Variants in RANBP2 observed in about 807,000 individuals in gnomAD.
RANBP2 encodes the protein E3 SUMO-protein ligase RanBP2.
RANBP2 carries 57 observed loss-of-function variants against 303.6 expected under a neutral mutation model. The observed-to-expected ratio is 0.19, with a 90% CI of 0.15 to 0.23. The LOEUF (loss-of-function observed/expected upper bound fraction) is 0.23, where lower values mean the gene tolerates loss of function less well. Ranked by LOEUF, RANBP2 falls within the 10% of genes least tolerant of loss-of-function variation. The pLI, the probability that RANBP2 is intolerant of heterozygous loss-of-function variation, is 1.00. For missense variants in RANBP2, 3,138 were observed against 3,780.8 expected, an observed-to-expected ratio of 0.83 and a Z score of 4.46; for synonymous variants, 1,167 against 1,301.5, an observed-to-expected ratio of 0.90 and a Z score of 2.23.
At chr2:109,384,542 G>T in the RANBP2 span, among the ~76,000 whole-genome samples, 1 of 151,978 alleles carries the variant, frequency 6.6e-6, no homozygotes, top group African/African-American at 2.4e-5. Context: ...GGCTTCAGGG[G>T]TTCCCGCAGG....
the RANBP2 span, among the ~76,000 whole-genome samples, chr2:109,400,907 G>A: frequency 6.6e-6 from 1 of 152,202 alleles, no homozygotes; most frequent in Admixed American, 6.5e-5. Context: ...TCTGTAAGGG[G>A]AAAAGCATAA....
chr2:109,449,089 G>A, the RANBP2 span: 11 of 1,484,080 alleles, frequency 7.4e-6, no homozygotes, highest in South Asian at 2.6e-5. Flanking sequence ...GGGAGCCTGA[G>A]TGTGCATTGC....
the RANBP2 span, among the ~76,000 whole-genome samples, chr2:109,408,119 T>G: frequency 6.6e-6 from 1 of 152,136 alleles, no homozygotes; most frequent in Non-Finnish European, 1.5e-5. Flanking sequence ...CACTCCCTTG[T>G]CCTAGCAGCT....
At chr2:109,658,930 T>G in the RANBP2 span, among the ~76,000 whole-genome samples, 2 of 151,896 alleles carry the variant, frequency 1.3e-5, no homozygotes, top group Non-Finnish European at 2.9e-5. Flanking sequence ...CTGGGTGTGG[T>G]GATGAGTACC....
In RANBP2 at chr2:108,753,929, G is replaced by C; in HGVS notation, c.2160G>C (p.Lys720Asn). Residue 720 changes from lysine (K) to asparagine (N), a missense_variant, in exon 15 of 29, where the codon AAG becomes AAC. Lys to Asn is a moderately conservative substitution (Grantham distance 94). This residue lies in a region of RANBP2 where 194 missense variants were observed against 197.4 expected (regional missense o/e 0.98). Coordinates refer to ENST00000283195, the MANE Select transcript of RANBP2 (RefSeq NM_006267.5). ...YLRKTRDYLIKIIDDSDSNLS... is the reference protein window; with the variant it reads ...YLRKTRDYLINIIDDSDSNLS... ...GAAAGACCAGGGACTACCTAATAAA[G>C]ATTATAGATGACAGTGATTCAAATC... 1 of 1,611,950 alleles carries C rather than the reference G, an allele frequency of 6.2e-7. No homozygotes were observed. Among genetic ancestry groups the C allele is most frequent in the Non-Finnish European group, 8.5e-7 (1 of 1,179,860 alleles).
the RANBP2 span, among the ~76,000 whole-genome samples, chr2:109,730,827 T>G: frequency 6.8e-6 from 1 of 148,026 alleles, no homozygotes; most frequent in Non-Finnish European, 1.5e-5. Context: ...TCACTCTTGT[T>G]GCCCAGGCTG....
intron 7 of RANBP2, among the ~76,000 whole-genome samples, chr2:108,742,879 C>G (rs1033582861): frequency 6.6e-6 from 1 of 152,134 alleles, no homozygotes; most frequent in Non-Finnish European, 1.5e-5. Context: ...AGCTCCACCT[C>G]CTGGGTTCAC....
chr2:109,436,534 C>T, the RANBP2 span, among the ~76,000 whole-genome samples: 1 of 152,194 alleles, frequency 6.6e-6, no homozygotes, highest in Non-Finnish European at 1.5e-5. Context: ...GTCAAGGCCT[C>T]GCGGGACATG....
the RANBP2 span, among the ~76,000 whole-genome samples, chr2:109,678,874 G>C: frequency 2.6e-5 from 4 of 152,204 alleles, no homozygotes; most frequent in South Asian, 6.2e-4. Context: ...AGCCTGCTGA[G>C]AGCGGTGCTC....
In RANBP2 at chr2:108,783,927, C is replaced by T. The variant is rs1368650825; in HGVS notation, c.*26C>T. The T allele has an allele frequency of 6.3e-7, 1 of 1,578,754 alleles. No individual in the cohort carries two copies. The highest frequency in any genetic ancestry group is 1.1e-5 in the South Asian group (1 of 90,010). On this transcript the variant is annotated 3_prime_UTR_variant, in exon 29 of 29. Coordinates refer to ENST00000283195, the MANE Select transcript of RANBP2 (RefSeq NM_006267.5). ...AATCATTGTTGTTCATAGAAAATTT[C>T]ATCTGTATAAGCAGTTGGATTGAAG...
chr2:108,823,207 A>G, the RANBP2 span, among the ~76,000 whole-genome samples: 1 of 152,198 alleles, frequency 6.6e-6, no homozygotes, highest in African/African-American at 2.4e-5. Context: ...ATTCTACCAA[A>G]CATTTGAAGA....
the RANBP2 span, among the ~76,000 whole-genome samples, chr2:108,941,619 C>T: frequency 2.6e-5 from 4 of 152,324 alleles, no homozygotes; most frequent in African/African-American, 9.6e-5. Context: ...GAAAAACGAT[C>T]TCCTTGGCCC....
At chr2:109,763,828 A>G in the RANBP2 span, among the ~76,000 whole-genome samples, 3 of 149,270 alleles carry the variant, frequency 2.0e-5, 1 homozygote, top group Admixed American at 2.1e-4. Context: ...TTTCCAATTG[A>G]ACAAATTGGA....
At chr2:109,685,281 T>C in the RANBP2 span, among the ~76,000 whole-genome samples, 1 of 152,224 alleles carries the variant, frequency 6.6e-6, no homozygotes, top group Admixed American at 6.5e-5. Context: ...TCACAATGAA[T>C]ACGCTCATGA....
the RANBP2 span, among the ~76,000 whole-genome samples, chr2:109,539,965 AT>A: frequency 1.3e-5 from 2 of 152,148 alleles, no homozygotes; most frequent in African/African-American, 4.8e-5. Flanking sequence ...GTTTTGGCAG[AT>A]GATGAAGGCT....
intron 24 of RANBP2, 88 bp downstream of exon 24, chr2:108,776,024 T>TC (rs1677869672): frequency 5.0e-6 from 6 of 1,208,998 alleles, no homozygotes; most frequent in Non-Finnish European, 5.9e-6. Context: ...TCCTGAAAAC[T>TC]CCCTTTAAAA....
chr2:109,435,534 T>C, the RANBP2 span, among the ~76,000 whole-genome samples: 1 of 152,160 alleles, frequency 6.6e-6, no homozygotes, highest in Admixed American at 6.5e-5. Flanking sequence ...GAGCTGAGCA[T>C]TGTGAGTCCA....
the RANBP2 span, among the ~76,000 whole-genome samples, chr2:109,666,456 G>T: frequency 5.9e-5 from 9 of 152,194 alleles, no homozygotes; most frequent in Non-Finnish European, 8.8e-5. Context: ...GTTGACGTTG[G>T]TAAAAAGACT....
chr2:109,012,638 G>T, the RANBP2 span, among the ~76,000 whole-genome samples: 4 of 152,214 alleles, frequency 2.6e-5, no homozygotes, highest in Non-Finnish European at 5.9e-5. Flanking sequence ...CATTCGGCCA[G>T]GCGCGGTGGC....
Sources: allele counts gnomAD v4.1 joint callset (sites outside exome capture counted in the v4.1 genomes callset), GRCh38; gene constraint gnomAD v4.1.1; regional missense constraint gnomAD v4.1.1; transcripts MANE v1.5; gene names NCBI Gene and HGNC (gene_info 2026-07-23, HGNC 2026-07-21).